The following NOC4L variants were observed in gnomAD, a reference collection of about 807,000 sequenced individuals.
NOC4L encodes the protein nucleolar complex associated 4 homolog.
In NOC4L, 40 loss-of-function variants were observed where a neutral mutation model predicts 62.8. That is an observed-to-expected ratio of 0.64 (90% CI 0.49 to 0.83). The LOEUF is 0.83. NOC4L is among the 40% of genes least tolerant of loss of function. The pLI is 0.00. For synonymous variants in NOC4L, 433 were observed against 299.8 expected, an observed-to-expected ratio of 1.44 and a Z score of -4.59; for missense variants, 927 against 701.9, an observed-to-expected ratio of 1.32 and a Z score of -3.62.
rs761132900 is a variant in NOC4L, at chr12:132,151,048, G to A, written c.962+7G>A. 1 of 1,608,602 alleles carries A rather than the reference G, an allele frequency of 6.2e-7. No individual in the cohort carries two copies. On this transcript the variant is annotated splice_region_variant and intron_variant, in intron 10 of 14. Transcript: ENST00000330579. ...TGATTCACAAACACAACCTGTGAGT[G>A]TCACCAGGGGTGCAGGTCTTCTTCC...
intron 9 of NOC4L, 29 bp from the exon 10 acceptor site, chr12:132,150,952 A>G (rs1015099504): frequency 1.3e-6 from 2 of 1,569,434 alleles, no homozygotes; most frequent in East Asian, 2.2e-5. Context: ...AGGTCACTGC[A>G]GCTCCAGCCT....
chr12:132,146,405 G>A, intron 3 of NOC4L: 1 of 449,336 alleles, frequency 2.2e-6, no homozygotes, highest in Non-Finnish European at 4.5e-6. Context: ...ACCTTTGGCT[G>A]TTACGAACAG....
rs1897682476 is a variant in NOC4L at position 132,145,571 on chromosome 12, C to T, written c.251C>T (p.Ala84Val). ...AACCTGTCTGCAGGGTCCCAGGGAG[C>T]CACACGGAAGTACAAGGTGTGGATG... ...EEMVMTGSQG[A>V]TRKYKVWMRH... The change falls in exon 3 of 15, where the codon GCC becomes GTC. Residue 84 changes from alanine to valine, a missense_variant. Coordinates refer to ENST00000330579, the MANE Select transcript of NOC4L (RefSeq NM_024078.3). 6.2e-7 allele frequency: 1 copy of T among 1,612,310 alleles called. No individual in the cohort carries two copies. The highest frequency in any genetic ancestry group is 1.3e-5 in the African/African-American group (1 of 75,022).
At chr12:132,146,530 C>T (rs1253197696) in intron 3 of NOC4L, among the ~76,000 whole-genome samples, 1 of 152,174 alleles carries the variant, frequency 6.6e-6, no homozygotes, top group African/African-American at 2.4e-5. Flanking sequence ...TTCTGAGGAA[C>T]TACAAGACTG....
At chr12:132,148,229 G>T in intron 7 of NOC4L, 123 bp downstream of exon 7, 1 of 970,364 alleles carries the variant, frequency 1.0e-6, no homozygotes. Flanking sequence ...ACAGGTGGCA[G>T]CTTGCACGGC....
At chr12:132,148,293 C>T (rs1297802341) in intron 7 of NOC4L, among the ~76,000 whole-genome samples, 187 bp downstream of exon 7, 2 of 152,186 alleles carry the variant, frequency 1.3e-5, no homozygotes, top group East Asian at 3.8e-4. Flanking sequence ...TCGGGACCCT[C>T]CCTTGGGTCA....
At chr12:132,148,708 C>A (rs1040882751) in intron 8 of NOC4L, 49 bp downstream of exon 8, 81 of 1,518,876 alleles carry the variant, frequency 5.3e-5, no homozygotes, top group Non-Finnish European at 3.3e-5. Flanking sequence ...GGGTCTCCCC[C>A]AGGGCGGAGG....
rs544700620 is a variant in NOC4L at position 132,147,399 on chromosome 12, TGCTGGGGACTCCCAGAGGGCCTG to T, written c.453+17_453+39del. The T allele has an allele frequency of 9.1e-3, 14,334 of 1,570,548 alleles. 98 individuals are homozygous for T. Among genetic ancestry groups the T allele is most frequent in the South Asian group, 0.012 (1,024 of 86,444 alleles). ...CGAGAGCTCTTCAAGGTGAGGGCCT[TGCTGGGGACTCCCAGAGGGCCTG>T]GCTGGCTGGCCAGATCCCAGGATGG... On this transcript the variant is annotated intron_variant, in intron 4 of 14. Transcript: ENST00000330579.
At chr12:132,147,102 G>A (rs186663323) in intron 3 of NOC4L, among the ~76,000 whole-genome samples, 179 bp from the exon 4 acceptor site, 39 of 152,332 alleles carry the variant, frequency 2.6e-4, no homozygotes, top group African/African-American at 7.0e-4. Context: ...TCATCTCTAC[G>A]TCATGGGTGG....
At chr12:132,152,224 G>A in intron 14 of NOC4L, 27 bp downstream of exon 14, 2 of 1,606,616 alleles carry the variant, frequency 1.2e-6, no homozygotes, top group Non-Finnish European at 1.7e-6. Context: ...GGGTGCGAGG[G>A]TCTGGGCCAC....
chr12:132,150,666 TCGCTCATACCA>T (rs1897893116), intron 9 of NOC4L, among the ~76,000 whole-genome samples: 2 of 15,260 alleles, frequency 1.3e-4, no homozygotes, highest in Admixed American at 5.5e-4. Context: ...TGCCGCCGCC[TCGCTCATACCA>T]CACCCCTAAT....
intron 9 of NOC4L, among the ~76,000 whole-genome samples, chr12:132,149,960 C>G (rs75552875): frequency 0.011 from 12 of 1,074 alleles, no homozygotes; most frequent in Non-Finnish European, 0.014. Context: ...CGGTGAGTGC[C>G]GCCGCCTCAC....
At chr12:132,148,570 G>C (rs559734025) in intron 7 of NOC4L, 39 bp from the exon 8 acceptor site, 3 of 1,548,634 alleles carry the variant, frequency 1.9e-6, no homozygotes, top group Non-Finnish European at 1.7e-6. Flanking sequence ...CTGGTCTGGG[G>C]TGGGGAGGGC....
intron 2 of NOC4L, 146 bp from the exon 3 acceptor site, chr12:132,145,413 G>A: frequency 3.3e-6 from 2 of 597,866 alleles, no homozygotes; most frequent in Non-Finnish European, 3.0e-6. Context: ...TCTCAGCACA[G>A]GTCTGGGGGC....
chr12:132,148,626 C>T lies in NOC4L; in HGVS notation c.756C>T (p.Phe252=). 1.3e-6 allele frequency: 2 copies of T among 1,549,300 alleles called. No individual in the cohort carries two copies. The highest frequency in any genetic ancestry group is 1.2e-5 in the South Asian group (1 of 83,982). Residue 252 remains phenylalanine, a synonymous_variant, in exon 8 of 15, where the codon TTC becomes TTT. Transcript: ENST00000330579. ...CGTTGCAGGAGCACAGGAGGGTTTT[C>T]CAGGCCATGTGGCTCAGCTTCCTCA... is the stretch of plus-strand genomic sequence containing the variant. ...VAHLKEHRRV[F]QAMWLSFLKH...
rs780888985 is a variant in NOC4L at position 132,147,842 on chromosome 12, G to T, written c.604-38G>T. On this transcript the variant is annotated intron_variant, in intron 5 of 14. Coordinates refer to ENST00000330579, the MANE Select transcript of NOC4L (RefSeq NM_024078.3). ...GTTGCCTCCCAGGGAGGCAGGGACT[G>T]GGGGGCGGCGTCCAGGCACTCAGGC... 9 of 1,609,560 alleles carry T rather than the reference G, an allele frequency of 5.6e-6. No individual in the cohort carries two copies. In the Admixed American group the frequency reaches 1.2e-4, roughly 21 times the overall value.
chr12:132,148,147 G>C (rs1449135448), intron 7 of NOC4L, 41 bp downstream of exon 7: 2 of 1,608,780 alleles, frequency 1.2e-6, no homozygotes, highest in Admixed American at 1.7e-5. Flanking sequence ...CCCGGGTTTG[G>C]GGGTGTGTGT....
At chr12:132,148,760 C>A in intron 8 of NOC4L, 24 bp from the exon 9 acceptor site, 5 of 1,400,192 alleles carry the variant, frequency 3.6e-6, no homozygotes, top group South Asian at 1.3e-5. Flanking sequence ...CGCCCCTCAC[C>A]CCCACCTGCC....
intron 3 of NOC4L, among the ~76,000 whole-genome samples, chr12:132,146,584 T>C (rs1179472201): frequency 1.3e-5 from 2 of 152,172 alleles, no homozygotes; most frequent in East Asian, 3.9e-4. Flanking sequence ...CCTGGCAGCA[T>C]TTGAGAGTTC....
Sources: gnomAD v4.1 joint callset for allele counts (sites outside exome capture counted in the v4.1 genomes callset) on GRCh38, gnomAD v4.1.1 for gene constraint, MANE v1.5 for transcripts, NCBI Gene and HGNC (gene_info 2026-07-23, HGNC 2026-07-21) for gene names.